The following SVOPL variants were observed in gnomAD, a reference collection of about 807,000 sequenced individuals.
SVOPL encodes the protein SVOP like.
SVOPL carries 60 observed loss-of-function variants against 61.0 expected under a neutral mutation model. The ratio of observed to expected loss-of-function variants is 0.98; its 90% confidence interval spans 0.80 to 1.22. The LOEUF (loss-of-function observed/expected upper bound fraction) is 1.22. Ranked by LOEUF, SVOPL falls within the 50% of genes most tolerant of loss-of-function variation. SVOPL has a pLI of 0.00. For synonymous variants in SVOPL, 279 were observed against 250.0 expected (o/e 1.12, Z -1.09); for missense variants, 662 against 643.9 (o/e 1.03, Z -0.30).
chr7:138,689,542 A>C (rs552138767), intron 1 of SVOPL: 1 of 588,258 alleles, frequency 1.7e-6, no homozygotes, highest in Non-Finnish European at 3.0e-6. Flanking sequence ...CATTAAAATA[A>C]ATGAAATTAA....
At chr7:138,630,957 A>G (rs1800153479) in intron 9 of SVOPL, among the ~76,000 whole-genome samples, 1 of 151,500 alleles carries the variant, frequency 6.6e-6, no homozygotes, top group African/African-American at 2.4e-5. Context: ...AAAAGAAAAA[A>G]AAAAAAAAAA....
At chr7:138,691,977 C>A (rs1802953824) in intron 1 of SVOPL, among the ~76,000 whole-genome samples, 1 of 152,092 alleles carries the variant, frequency 6.6e-6, no homozygotes, top group South Asian at 2.1e-4. Context: ...ACCACCACAC[C>A]CAGCTAGCTT....
At chr7:138,600,169 T>C (rs994853115) in intron 14 of SVOPL, among the ~76,000 whole-genome samples, 1 of 152,084 alleles carries the variant, frequency 6.6e-6, no homozygotes, top group East Asian at 1.9e-4. Context: ...TGTAGAAAAA[T>C]TGCAAATTAC....
chr7:138,670,373 C>T lies in SVOPL; in HGVS notation c.273+1646G>A, dbSNP rs55662603. Among the ~76,000 whole-genome samples the T allele has an allele frequency of 4.4e-3, 677 of 152,272 alleles. 8 individuals are homozygous for T. Among genetic ancestry groups the T allele is most frequent in the African/African-American group, 0.016 (651 of 41,542 alleles). ...TTTGTTCTGTAGGTCACACGATTTG[C>T]GACTTCCCCAATTACTCCTGTAAAT... On this transcript the variant is annotated intron_variant, in intron 4 of 15. Transcript: ENST00000674285.
chr7:138,619,382 C>T (rs1799446474), intron 14 of SVOPL, among the ~76,000 whole-genome samples: 1 of 151,304 alleles, frequency 6.6e-6, no homozygotes. Context: ...GCCTGGGCGA[C>T]AGAGCGAGAC....
intron 13 of SVOPL, among the ~76,000 whole-genome samples, chr7:138,621,811 T>C (rs1799577886): frequency 9.8e-6 from 1 of 101,720 alleles, no homozygotes; most frequent in Non-Finnish European, 2.1e-5. Context: ...TGTATCTATC[T>C]ATGTATCTAT....
At chr7:138,650,709 AG>A (rs1257523737) in intron 7 of SVOPL, among the ~76,000 whole-genome samples, 1 of 74,630 alleles carries the variant, frequency 1.3e-5, no homozygotes, top group African/African-American at 5.2e-5. Context: ...GCTACTTAGG[AG>A]GCTGAGGTGG....
intron 3 of SVOPL, among the ~76,000 whole-genome samples, 183 bp from the exon 4 acceptor site, chr7:138,672,300 T>C (rs1802442359): frequency 6.6e-6 from 1 of 152,200 alleles, no homozygotes; most frequent in African/African-American, 2.4e-5. Context: ...TCAGCCTTTG[T>C]GGATGTGACT....
intron 3 of SVOPL, among the ~76,000 whole-genome samples, chr7:138,676,308 T>C (rs1490513177): frequency 6.6e-6 from 1 of 152,246 alleles, no homozygotes; most frequent in Non-Finnish European, 1.5e-5. Context: ...TATCACAAAA[T>C]ACCTGAGACT....
intron 14 of SVOPL, among the ~76,000 whole-genome samples, chr7:138,610,315 T>TA (rs1040374599): frequency 7.9e-5 from 12 of 151,918 alleles, no homozygotes; most frequent in African/African-American, 2.9e-4. Flanking sequence ...GAGCAGGCTA[T>TA]AAAAAGTACT....
rs1563126386 is a variant in SVOPL, at chr7:138,659,980, GAGC to G, written c.351_353del (p.Leu118del). ...AATAGGCTCCCCACAGGAACGAGAT[GAGC>G]AGAATCTGAAGCAACAGCAGAACAC... On this transcript the variant is annotated inframe_deletion, in exon 6 of 16. Coordinates refer to ENST00000674285, the MANE Select transcript of SVOPL (RefSeq NM_001139456.2). The G allele has an allele frequency of 2.6e-6, 4 of 1,551,544 alleles. No individual in the cohort carries two copies. In the East Asian group the frequency reaches 9.8e-5, roughly 38 times the overall value.
intron 3 of SVOPL, among the ~76,000 whole-genome samples, chr7:138,676,426 C>G (rs369854316): frequency 1.3e-5 from 2 of 152,036 alleles, no homozygotes; most frequent in Non-Finnish European, 2.9e-5. Context: ...CCTACTCCCT[C>G]GTGTCCTTCG....
At chr7:138,611,084 A>T (rs1584777985) in intron 14 of SVOPL, among the ~76,000 whole-genome samples, 1 of 152,282 alleles carries the variant, frequency 6.6e-6, no homozygotes, top group East Asian at 1.9e-4. Context: ...GTTATTACTG[A>T]TTAAAACCTT....
chr7:138,652,957 C>T (rs1160640758), intron 7 of SVOPL, among the ~76,000 whole-genome samples: 1 of 152,120 alleles, frequency 6.6e-6, no homozygotes, highest in Non-Finnish European at 1.5e-5. Context: ...AAAAGTGCTA[C>T]CCCAGTGAAC....
intron 6 of SVOPL, among the ~76,000 whole-genome samples, chr7:138,657,056 G>A (rs1327109528): frequency 1.4e-5 from 2 of 148,102 alleles, no homozygotes; most frequent in Non-Finnish European, 3.0e-5. Context: ...AAAAAAAAAA[G>A]AAATATAAGC....
chr7:138,668,347 CCTT>C (rs1802327539), intron 4 of SVOPL, among the ~76,000 whole-genome samples: 1 of 152,174 alleles, frequency 6.6e-6, no homozygotes, highest in South Asian at 2.1e-4. Context: ...GGGAATTACT[CCTT>C]CTCTATTGCA....
chr7:138,597,168 T>A, intron 14 of SVOPL: 1 of 1,288,514 alleles, frequency 7.8e-7, no homozygotes, highest in Non-Finnish European at 1.0e-6. Context: ...CTTTAGTTTC[T>A]CTTGGTCTGT....
chr7:138,595,958 C>T (rs182948080), intron 15 of SVOPL, among the ~76,000 whole-genome samples: 31 of 152,150 alleles, frequency 2.0e-4, no homozygotes, highest in Non-Finnish European at 3.8e-4. Flanking sequence ...GAGGCCAAGA[C>T]AGGTGGATCA....
intron 1 of SVOPL, among the ~76,000 whole-genome samples, chr7:138,688,190 C>A (rs1584870083): frequency 6.6e-6 from 1 of 152,104 alleles, no homozygotes; most frequent in East Asian, 1.9e-4. Flanking sequence ...TGAAAAGAGA[C>A]TCAACATCAT....
Sources: gnomAD v4.1 joint callset for allele counts (sites outside exome capture counted in the v4.1 genomes callset) on GRCh38, gnomAD v4.1.1 for gene constraint, MANE v1.5 for transcripts, NCBI Gene and HGNC (gene_info 2026-07-23, HGNC 2026-07-21) for gene names.